Variants in LIPN observed in about 807,000 individuals in gnomAD.
LIPN encodes lipase member N.
A neutral mutation model predicts 43.7 loss-of-function variants in LIPN; 32 were observed. The observed-to-expected ratio is 0.73, with a 90% CI of 0.55 to 0.98. The LOEUF is 0.98. Ranked by LOEUF, LIPN falls within the 50% of genes least tolerant of loss-of-function variation. LIPN has a pLI of 0.00. For missense variants in LIPN, 505 were observed against 483.8 expected (o/e 1.04, Z -0.41); for synonymous variants, 156 against 157.6 (o/e 0.99, Z 0.08).
Position 88,779,277 on chromosome 10 carries a change from AAG to A in LIPN, c.*1041_*1042del, listed in dbSNP as rs1310057336. On this transcript the variant is annotated 3_prime_UTR_variant, in exon 10 of 10. Transcript: ENST00000404459. ...ATGCAGGCTGATATCCTTCTGTGCTAAGAGAGATGATCCTTGGAAAATCCAGA... is the reference window on the plus strand; with the variant it reads ...ATGCAGGCTGATATCCTTCTGTGCTAAGAGATGATCCTTGGAAAATCCAGA... 2.0e-5 allele frequency among the ~76,000 whole-genome samples: 3 copies of A among 152,182 alleles called. No individual in the cohort carries two copies. The highest frequency in any genetic ancestry group is 6.6e-5 in the Admixed American group (1 of 15,266).
chr10:88,760,345 G>A (rs1031555448), intron 1 of LIPN, among the ~76,000 whole-genome samples: 3 of 151,972 alleles, frequency 2.0e-5, no homozygotes, highest in African/African-American at 7.2e-5. Context: ...AATAACATAC[G>A]TGAACTATTT....
At chr10:88,762,535 G>A (rs1169481151) in intron 3 of LIPN, among the ~76,000 whole-genome samples, 1 of 152,046 alleles carries the variant, frequency 6.6e-6, no homozygotes, top group Non-Finnish European at 1.5e-5. Context: ...GCAACCAGAG[G>A]TACTTGTTAG....
upstream of LIPN, among the ~76,000 whole-genome samples, chr10:88,758,393 T>C (rs1168922469): frequency 6.6e-6 from 1 of 150,546 alleles, no homozygotes; most frequent in Non-Finnish European, 1.5e-5. Flanking sequence ...AAATTTGAGC[T>C]TCTAGAGAGT....
chr10:88,776,798 A>G (rs1843303163), intron 9 of LIPN, among the ~76,000 whole-genome samples: 2 of 151,970 alleles, frequency 1.3e-5, no homozygotes, highest in Admixed American at 6.6e-5. Flanking sequence ...ATCTACCTCA[A>G]AATGTCTCTA....
chr10:88,776,199 G>T (rs1482055752), intron 9 of LIPN, among the ~76,000 whole-genome samples: 1 of 151,524 alleles, frequency 6.6e-6, no homozygotes. Context: ...GCGTGTATTT[G>T]CAAATGCTTA....
intron 4 of LIPN, 25 bp from the exon 5 acceptor site, chr10:88,766,244 T>C (rs759802238): frequency 1.8e-6 from 2 of 1,130,774 alleles, no homozygotes; most frequent in Non-Finnish European, 2.7e-6. Flanking sequence ...CAAGTATTTA[T>C]AAAAGCCCCT....
At chr10:88,773,526 C>T (rs770751304) in intron 7 of LIPN, among the ~76,000 whole-genome samples, 8 of 151,796 alleles carry the variant, frequency 5.3e-5, no homozygotes, top group Non-Finnish European at 1.2e-4. Flanking sequence ...ATGGGATCCC[C>T]TCTTTATGAA....
rs370722746 is a variant in LIPN at position 88,774,521 on chromosome 10, C to T, written c.868C>T (p.His290Tyr). Reference sequence around the variant, plus strand: ...ACATGCTCCCACTGGTTCATCAGTACACAACATTCTGCATATAAAACAGGT... The same window carrying T: ...ACATGCTCCCACTGGTTCATCAGTATACAACATTCTGCATATAAAACAGGT... ...MSHAPTGSSV[H>Y]NILHIKQLYH... The change falls in exon 8 of 10, where the codon CAC becomes TAC. Residue 290 changes from histidine to tyrosine, a missense_variant. By Grantham distance (83) the His-to-Tyr change is moderately conservative. Coordinates refer to ENST00000404459, the MANE Select transcript of LIPN (RefSeq NM_001102469.2). The T allele has an allele frequency of 6.8e-6, 11 of 1,610,178 alleles. No individual in the cohort carries two copies. Among genetic ancestry groups the T allele is most frequent in the Middle Eastern group, 1.6e-4 (1 of 6,066 alleles).
At position 88,768,844 on chromosome 10, in the gene LIPN, T is replaced by G. The variant is rs1564582355; in HGVS notation, c.588T>G (p.Asn196Lys). ...AACTGGCACAAAGAATCAAAATGAA[T>G]TTTGCCTTGGGTCCTACGATCTCAT... ...MPELAQRIKMNFALGPTISFK... is the reference protein window; with the variant it reads ...MPELAQRIKMKFALGPTISFK... Residue 196 changes from asparagine to lysine, a missense_variant, in exon 6 of 10, where the codon AAT becomes AAG. By Grantham distance (94) the Asn-to-Lys change is moderately conservative. Coordinates refer to ENST00000404459, the MANE Select transcript of LIPN (RefSeq NM_001102469.2). 1 of 1,611,648 alleles carries G rather than the reference T, an allele frequency of 6.2e-7. No homozygotes were observed. Among genetic ancestry groups the G allele is most frequent in the African/African-American group, 1.3e-5 (1 of 74,850 alleles).
At chr10:88,760,019 T>C (rs942866748), upstream of LIPN, among the ~76,000 whole-genome samples, 3 of 152,148 alleles carry the variant, frequency 2.0e-5, no homozygotes, top group Admixed American at 1.3e-4. Flanking sequence ...AATCATCTCT[T>C]ACTCTTCAGC....
chr10:88,774,318 G>A lies in LIPN; in HGVS notation c.820-155G>A, dbSNP rs17112748. Reference sequence around the variant, plus strand: ...CAGCTTGTGGTTCACTCACATTAAAGTATTGACCTAAATGGTATATTTATC... The same window carrying A: ...CAGCTTGTGGTTCACTCACATTAAAATATTGACCTAAATGGTATATTTATC... On this transcript the variant is annotated intron_variant, in intron 7 of 9. Coordinates refer to ENST00000404459, the MANE Select transcript of LIPN (RefSeq NM_001102469.2). Among the ~76,000 whole-genome samples the A allele has an allele frequency of 8.5e-3, 1,289 of 152,092 alleles. 46 individuals carry two copies. Among genetic ancestry groups the A allele is most frequent in the East Asian group, 0.071 (368 of 5,166 alleles).
intron 5 of LIPN, among the ~76,000 whole-genome samples, chr10:88,768,241 G>A (rs1843144478): frequency 6.6e-6 from 1 of 151,864 alleles, no homozygotes; most frequent in African/African-American, 2.4e-5. Context: ...GTGGATGCTA[G>A]GGAAAGCCCC....
rs1029467981 is a variant in LIPN, at chr10:88,778,306, T to C, written c.*64T>C. 3.2e-6 allele frequency: 4 copies of C among 1,241,448 alleles called. No individual in the cohort carries two copies. The Admixed American group carries it at 8.2e-5, about 26-fold the overall frequency. 76.9% of individuals were successfully genotyped at this position (1,241,448 alleles called of 1,614,324 possible). A position where few individuals can be genotyped will look rare whatever the true frequency, so the allele number is the denominator to read the frequency against. ...AGCCCATAAGGGACTTTAGAAAAAATAGTAACCAACAATGAGGTTGTCCCC... is the reference window on the plus strand; with the variant it reads ...AGCCCATAAGGGACTTTAGAAAAAACAGTAACCAACAATGAGGTTGTCCCC... On this transcript the variant is annotated 3_prime_UTR_variant, in exon 10 of 10. Coordinates refer to ENST00000404459, the MANE Select transcript of LIPN (RefSeq NM_001102469.2).
chr10:88,778,075 G>C lies in LIPN; in HGVS notation c.1030G>C (p.Asp344His), dbSNP rs778704113. ...TACTGCTATTTGGGCTGGTGGACAT[G>C]ATGTCCTCGTAACACCCCAGGATGT... ...VPTAIWAGGH[D>H]VLVTPQDVAR... is the part of the protein sequence containing the mutation. Residue 344 changes from aspartate to histidine, a missense_variant, in exon 10 of 10, where the codon GAT becomes CAT. Asp to His is a moderately conservative substitution (Grantham distance 81). Coordinates refer to ENST00000404459, the MANE Select transcript of LIPN (RefSeq NM_001102469.2). 6.2e-7 allele frequency: 1 copy of C among 1,613,584 alleles called. No individual in the cohort carries two copies. Among genetic ancestry groups the C allele is most frequent in the Non-Finnish European group, 8.5e-7 (1 of 1,179,676 alleles).
chr10:88,766,403 G>T (rs1843099863), intron 5 of LIPN, 25 bp downstream of exon 5: 1 of 1,401,140 alleles, frequency 7.1e-7, no homozygotes. Flanking sequence ...GTCACTGTTA[G>T]GTGTGTTTTT....
At chr10:88,760,947 C>T (rs1387032961) in intron 1 of LIPN, among the ~76,000 whole-genome samples, 1 of 152,142 alleles carries the variant, frequency 6.6e-6, no homozygotes, top group East Asian at 1.9e-4. Context: ...AGAAACTAAT[C>T]ATAAGCTTTT....
chr10:88,775,510 G>T (rs1005614291), intron 9 of LIPN, among the ~76,000 whole-genome samples: 5 of 151,756 alleles, frequency 3.3e-5, no homozygotes, highest in African/African-American at 9.7e-5. Context: ...ATATAACTGA[G>T]GGATTTTTAA....
chr10:88,761,395 C>T lies in LIPN; in HGVS notation c.-8-3C>T. The T allele has an allele frequency of 6.5e-7, 1 of 1,528,812 alleles. No individual in the cohort carries two copies. Among genetic ancestry groups the T allele is most frequent in the Non-Finnish European group, 9.1e-7 (1 of 1,103,766 alleles). The allele number at this position is 1,528,812 out of a possible 1,614,324, so 94.7% of individuals were successfully genotyped here. On this transcript the variant is annotated splice_polypyrimidine_tract_variant and splice_region_variant and intron_variant, in intron 1 of 9. Coordinates refer to ENST00000404459, the MANE Select transcript of LIPN (RefSeq NM_001102469.2). Reference sequence around the variant, plus strand: ...TCTGTGAATATTAAATGTTTTATGCCAGGCATTTCTATGATGTGGCTGCTT... The same window carrying T: ...TCTGTGAATATTAAATGTTTTATGCTAGGCATTTCTATGATGTGGCTGCTT...
At chr10:88,769,562 C>T (rs934416574) in intron 6 of LIPN, 13 of 981,158 alleles carry the variant, frequency 1.3e-5, no homozygotes, top group African/African-American at 3.5e-5. Flanking sequence ...AGGTCATTGC[C>T]ACAATGAACA....
Sources: allele counts gnomAD v4.1 joint callset (sites outside exome capture counted in the v4.1 genomes callset), GRCh38; gene constraint gnomAD v4.1.1; transcripts MANE v1.5; gene names NCBI Gene and HGNC (gene_info 2026-07-23, HGNC 2026-07-21).